Variants in ACTR3C observed in about 807,000 individuals in gnomAD.
ACTR3C encodes the protein actin-related protein 3C.
ACTR3C carries 18 observed loss-of-function variants against 26.3 expected under a neutral mutation model. The observed-to-expected ratio is 0.68, with a 90% CI of 0.47 to 1.01. The LOEUF (loss-of-function observed/expected upper bound fraction) is 1.01. ACTR3C is among the 50% of genes least tolerant of loss of function. The pLI is 0.00. For missense variants in ACTR3C, 184 were observed against 250.7 expected (o/e 0.73, Z 1.80); for synonymous variants, 55 against 94.5 (o/e 0.58, Z 2.42).
chr7:150,123,614 A>ACACACACAC, the ACTR3C span, among the ~76,000 whole-genome samples: 9 of 85,526 alleles, frequency 1.1e-4, no homozygotes, highest in African/African-American at 2.9e-4. Flanking sequence ...CACACACACA[A>ACACACACAC]ACACACACCC....
At chr7:150,190,601 C>A in the ACTR3C span, among the ~76,000 whole-genome samples, 1 of 152,194 alleles carries the variant, frequency 6.6e-6, no homozygotes, top group Non-Finnish European at 1.5e-5. Context: ...GTTGGAAAGA[C>A]TGCCTTTCCT....
At chr7:150,250,741 G>C (rs1832794588) in intron 6 of ACTR3C, among the ~76,000 whole-genome samples, 2 of 151,874 alleles carry the variant, frequency 1.3e-5, no homozygotes, top group African/African-American at 4.9e-5. Context: ...TGGCTTCAGT[G>C]GCCACTAATT....
chr7:150,038,239 A>T, the ACTR3C span, among the ~76,000 whole-genome samples: 8 of 144,356 alleles, frequency 5.5e-5, 1 homozygote, highest in Non-Finnish European at 1.2e-4. Context: ...AAGGCCCTCA[A>T]ATAGGGGGGC....
At chr7:150,164,609 G>A in the ACTR3C span, among the ~76,000 whole-genome samples, 3 of 151,888 alleles carry the variant, frequency 2.0e-5, no homozygotes, top group South Asian at 4.2e-4. Flanking sequence ...GATAAAATTC[G>A]AGTGCATTTT....
the ACTR3C span, among the ~76,000 whole-genome samples, chr7:150,177,481 CA>C: frequency 4.6e-5 from 7 of 150,812 alleles, no homozygotes; most frequent in East Asian, 1.3e-3. Flanking sequence ...CATGTCATAA[CA>C]AAGGCAATTA....
chr7:149,948,314 C>T, the ACTR3C span, among the ~76,000 whole-genome samples: 1 of 141,830 alleles, frequency 7.1e-6, no homozygotes, highest in Non-Finnish European at 1.5e-5. Context: ...AGAGTGCCCA[C>T]TGCAGCATGG....
At chr7:150,276,610 C>T (rs867293864) in intron 6 of ACTR3C, among the ~76,000 whole-genome samples, 5 of 152,336 alleles carry the variant, frequency 3.3e-5, no homozygotes, top group South Asian at 4.1e-4. Flanking sequence ...CCTCAACAGC[C>T]GCCTGATGGG....
the ACTR3C span, among the ~76,000 whole-genome samples, chr7:149,943,906 T>G: frequency 1.4e-5 from 2 of 142,936 alleles, no homozygotes; most frequent in African/African-American, 5.9e-5. Context: ...CTTCATCAGG[T>G]TTTATGCTTT....
intron 1 of ACTR3C, among the ~76,000 whole-genome samples, chr7:150,317,344 C>A (rs542357199): frequency 6.6e-6 from 1 of 152,174 alleles, no homozygotes; most frequent in Non-Finnish European, 1.5e-5. Context: ...TAGGCCACTG[C>A]GCCCAGCCTT....
chr7:150,141,505 C>T, the ACTR3C span, among the ~76,000 whole-genome samples: 1 of 151,654 alleles, frequency 6.6e-6, no homozygotes, highest in Admixed American at 6.6e-5. Flanking sequence ...GAAGCCCCAG[C>T]CTTCCCTGCT....
the ACTR3C span, among the ~76,000 whole-genome samples, chr7:149,945,997 T>TG: frequency 6.6e-6 from 1 of 151,978 alleles, no homozygotes; most frequent in Non-Finnish European, 1.5e-5. Flanking sequence ...AAGAGGAGAA[T>TG]GGGGAGGAAG....
the ACTR3C span, among the ~76,000 whole-genome samples, chr7:150,147,512 G>A: frequency 6.6e-6 from 1 of 152,092 alleles, no homozygotes; most frequent in African/African-American, 2.4e-5. Context: ...GTACAGTTCA[G>A]CGGTAATAAA....
chr7:149,909,104 C>T, the ACTR3C span, among the ~76,000 whole-genome samples: 8 of 151,158 alleles, frequency 5.3e-5, no homozygotes, highest in African/African-American at 9.7e-5. Context: ...CTTTAACAAC[C>T]GACTAACCTC....
the ACTR3C span, among the ~76,000 whole-genome samples, chr7:150,115,611 G>T: frequency 6.6e-6 from 1 of 152,192 alleles, no homozygotes; most frequent in African/African-American, 2.4e-5. Context: ...CCCAATCAAA[G>T]ATCTAATCCC....
chr7:150,243,584 C>T (rs1832304660), downstream of ACTR3C, among the ~76,000 whole-genome samples: 1 of 152,028 alleles, frequency 6.6e-6, no homozygotes, highest in Non-Finnish European at 1.5e-5. Context: ...TTCCGGGACC[C>T]TCCTGCAGAT....
chr7:149,895,976 T>C, the ACTR3C span, among the ~76,000 whole-genome samples: 6 of 148,598 alleles, frequency 4.0e-5, no homozygotes, highest in Non-Finnish European at 8.9e-5. Flanking sequence ...GACAGGCAGA[T>C]TGCTTAAGTC....
the ACTR3C span, among the ~76,000 whole-genome samples, chr7:150,178,963 A>G: frequency 6.7e-6 from 1 of 150,276 alleles, no homozygotes; most frequent in East Asian, 1.9e-4. Context: ...GCAGCAGACT[A>G]CAGTTTACCA....
chr7:150,323,333 A>T (rs2159234), intron 1 of ACTR3C, 136 bp downstream of exon 1: 73,141 of 274,838 alleles, frequency 0.27, 10,063 homozygotes, highest in East Asian at 0.42. Flanking sequence ...GCCTTTGGCC[A>T]GGCCCCCTGG....
the ACTR3C span, among the ~76,000 whole-genome samples, chr7:150,154,048 G>A: frequency 2.2e-5 from 3 of 134,606 alleles, no homozygotes; most frequent in Non-Finnish European, 4.6e-5. Context: ...ACAGGAAGGG[G>A]AACATCACAC....
Sources: gnomAD v4.1 joint callset for allele counts (sites outside exome capture counted in the v4.1 genomes callset) on GRCh38, gnomAD v4.1.1 for gene constraint, MANE v1.5 for transcripts, NCBI Gene and HGNC (gene_info 2026-07-23, HGNC 2026-07-21) for gene names.